The following TMEM161A variants were observed in gnomAD, a reference collection of about 807,000 sequenced individuals.
The protein encoded by TMEM161A is transmembrane protein 161A.
A neutral mutation model predicts 57.1 loss-of-function variants in TMEM161A; 46 were observed. The observed-to-expected ratio is 0.81, with a 90% confidence interval of 0.64 to 1.03. The LOEUF is 1.03. Ranked by LOEUF, TMEM161A falls within the 50% of genes least tolerant of loss-of-function variation. The probability of loss-of-function intolerance (pLI) is 0.00; values close to 1 mark genes in which losing one functional copy is unlikely to be tolerated. For synonymous variants in TMEM161A, 288 were observed against 279.0 expected, an observed-to-expected ratio of 1.03 and a Z score of -0.32; for missense variants, 601 against 621.5, an observed-to-expected ratio of 0.97 and a Z score of 0.35.
intron 1 of TMEM161A, among the ~76,000 whole-genome samples, chr19:19,137,658 C>A (rs1334124579): frequency 6.6e-6 from 1 of 152,178 alleles, no homozygotes; most frequent in Non-Finnish European, 1.5e-5. Flanking sequence ...TCAATAATTC[C>A]GGCCATCAGT....
rs1406305840 is a variant in TMEM161A, at chr19:19,134,895, G to A, written c.4-8C>T. The A allele has an allele frequency of 6.4e-7, 1 of 1,567,522 alleles. No homozygotes were observed. Among genetic ancestry groups the A allele is most frequent in the East Asian group, 2.4e-5 (1 of 42,382 alleles). On this transcript the variant is annotated splice_region_variant and splice_polypyrimidine_tract_variant and intron_variant, in intron 1 of 11. Coordinates refer to ENST00000162044, the MANE Select transcript of TMEM161A (RefSeq NM_017814.3). Reference sequence around the variant, plus strand: ...CTGTACTCCGAGGACCGCCTGGGGGGAGGGGACATGACTGGCAGCACCTGC... The same window carrying A: ...CTGTACTCCGAGGACCGCCTGGGGGAAGGGGACATGACTGGCAGCACCTGC...
intron 1 of TMEM161A, among the ~76,000 whole-genome samples, chr19:19,135,351 G>C (rs1046961750): frequency 7.9e-5 from 12 of 151,980 alleles, no homozygotes; most frequent in African/African-American, 2.9e-4. Flanking sequence ...ACTGCGTCTC[G>C]GTTGAGCTTC....
chr19:19,119,735 G>A lies in TMEM161A; in HGVS notation c.*195C>T. ...GGCCTCGGGACCCTCATGCTGCTGG[G>A]CCCAGGAGAGACAGTTCTGAGGCAG... On this transcript the variant is annotated 3_prime_UTR_variant, in exon 12 of 12. Transcript: ENST00000162044. The A allele has an allele frequency of 1.5e-6, 1 of 665,354 alleles. No individual in the cohort carries two copies. 41.2% of individuals were successfully genotyped at this position (665,354 alleles called of 1,614,324 possible).
At position 19,121,711 on chromosome 19, in the gene TMEM161A, G is replaced by A; in HGVS notation, c.657-43C>T. 6.2e-7 allele frequency: 1 copy of A among 1,612,888 alleles called. No homozygotes were observed. Among genetic ancestry groups the A allele is most frequent in the Non-Finnish European group, 8.5e-7 (1 of 1,179,082 alleles). ...CACGAGCCTGCCTGGGGGACCCTGG[G>A]AGGGTCCCAGCCTGCCCTTGCCTCC... On this transcript the variant is annotated intron_variant, in intron 7 of 11. Transcript: ENST00000162044. This position sits in a 1 kb window ranked among gnomAD's most constrained non-coding sequence, Gnocchi z 5.8.
intron 1 of TMEM161A, among the ~76,000 whole-genome samples, chr19:19,137,456 C>CA (rs560245679): frequency 3.3e-5 from 5 of 152,350 alleles, no homozygotes; most frequent in African/African-American, 1.2e-4. Context: ...GTCTCAGGGT[C>CA]AGGGCTCTGC....
At chr19:19,120,253 G>T in intron 11 of TMEM161A, 70 bp from the exon 12 acceptor site, 2 of 1,302,162 alleles carry the variant, frequency 1.5e-6, no homozygotes, top group South Asian at 1.5e-5. Context: ...GGGCTGGCAC[G>T]GGGGGCCAGG....
intron 11 of TMEM161A, 89 bp from the exon 12 acceptor site, chr19:19,120,272 TC>T: frequency 9.0e-7 from 1 of 1,107,502 alleles, no homozygotes. Flanking sequence ...GGCCCATTCC[TC>T]CAGACACTCC....
Position 19,130,323 on chromosome 19 carries a change from A to G in TMEM161A, c.444-16T>C. 1 of 1,611,736 alleles carries G rather than the reference A, an allele frequency of 6.2e-7. No individual in the cohort carries two copies. Among genetic ancestry groups the G allele is most frequent in the Non-Finnish European group, 8.5e-7 (1 of 1,179,948 alleles). On this transcript the variant is annotated splice_polypyrimidine_tract_variant and intron_variant, in intron 5 of 11. Transcript: ENST00000162044. ...GAACATCTTGCTGGAGGCTGGAGCT[A>G]AGGAGGCCTCAGGTGCCACTGCCCC...
chr19:19,134,283 A>G (rs1599711452), intron 2 of TMEM161A, among the ~76,000 whole-genome samples: 1 of 151,938 alleles, frequency 6.6e-6, no homozygotes, highest in East Asian at 1.9e-4. Context: ...ACCTGTCAAA[A>G]CTAGTCCAAC....
At chr19:19,126,995 G>A (rs1468739273) in intron 6 of TMEM161A, among the ~76,000 whole-genome samples, 1 of 152,072 alleles carries the variant, frequency 6.6e-6, no homozygotes, top group African/African-American at 2.4e-5. Context: ...TGCAGTGAGT[G>A]GAGATCACGC....
chr19:19,132,615 G>A lies in TMEM161A; in HGVS notation c.286+42C>T. 6.4e-7 allele frequency: 1 copy of A among 1,558,924 alleles called. No homozygotes were observed. Among genetic ancestry groups the A allele is most frequent in the Non-Finnish European group, 8.7e-7 (1 of 1,151,124 alleles). Reference sequence around the variant, plus strand: ...CCCCATGAGGGTGTGGAGACCTTCAGGGCTGAGGGAGTAGAGTTTAGGGAT... The same window carrying A: ...CCCCATGAGGGTGTGGAGACCTTCAAGGCTGAGGGAGTAGAGTTTAGGGAT... On this transcript the variant is annotated intron_variant, in intron 4 of 11. Coordinates refer to ENST00000162044, the MANE Select transcript of TMEM161A (RefSeq NM_017814.3). The surrounding 1 kb of genome is among the most constrained non-coding windows in gnomAD (Gnocchi z 4.3).
chr19:19,129,362 G>A (rs2059946280), intron 6 of TMEM161A, among the ~76,000 whole-genome samples: 1 of 152,124 alleles, frequency 6.6e-6, no homozygotes, highest in Non-Finnish European at 1.5e-5. Context: ...GGTCATGTGG[G>A]CCATGGTGAG....
At chr19:19,133,257 G>A in intron 2 of TMEM161A, 47 bp from the exon 3 acceptor site, 2 of 1,589,042 alleles carry the variant, frequency 1.3e-6, no homozygotes, top group Non-Finnish European at 1.7e-6. Context: ...GTGGGGTTGG[G>A]AGGTTGAGGC....
chr19:19,137,530 C>T (rs998353294), intron 1 of TMEM161A, among the ~76,000 whole-genome samples: 14 of 152,230 alleles, frequency 9.2e-5, no homozygotes, highest in Non-Finnish European at 2.9e-5. Flanking sequence ...ACTGGATTTA[C>T]GATTCTCGAA....
intron 6 of TMEM161A, among the ~76,000 whole-genome samples, chr19:19,123,113 T>C (rs538141169): frequency 3.9e-5 from 6 of 152,138 alleles, no homozygotes; most frequent in Non-Finnish European, 8.8e-5. Flanking sequence ...GGAAGACAGA[T>C]CTGAAGAAAT....
chr19:19,129,064 G>T (rs1255051720), intron 6 of TMEM161A, among the ~76,000 whole-genome samples: 1 of 152,166 alleles, frequency 6.6e-6, no homozygotes. Flanking sequence ...AGACATGCAT[G>T]TTAAGGCCAC....
intron 6 of TMEM161A, among the ~76,000 whole-genome samples, chr19:19,126,268 A>G (rs1568535498): frequency 6.6e-6 from 1 of 152,120 alleles, no homozygotes; most frequent in African/African-American, 2.4e-5. Context: ...TCATCAAGAC[A>G]CTAGAGGTGA....
At chr19:19,134,581 AAC>A (rs1179141306) in intron 2 of TMEM161A, among the ~76,000 whole-genome samples, 2 of 152,120 alleles carry the variant, frequency 1.3e-5, no homozygotes, top group African/African-American at 4.8e-5. Flanking sequence ...CAGACTGGGT[AAC>A]AGAGTGAGAC....
At chr19:19,127,956 A>T (rs1173003024) in intron 6 of TMEM161A, among the ~76,000 whole-genome samples, 1 of 152,044 alleles carries the variant, frequency 6.6e-6, no homozygotes, top group Non-Finnish European at 1.5e-5. Context: ...AGAAAAAAAA[A>T]TTCTAACACC....
Sources: gnomAD v4.1 joint callset for allele counts (sites outside exome capture counted in the v4.1 genomes callset) on GRCh38, gnomAD v4.1.1 for gene constraint, Gnocchi (gnomAD v3.1) non-coding constraint, MANE v1.5 for transcripts, NCBI Gene and HGNC (gene_info 2026-07-23, HGNC 2026-07-21) for gene names.